Variants in SLC1A5 observed in about 807,000 individuals in gnomAD.
SLC1A5 encodes the protein neutral amino acid transporter B(0).
A neutral mutation model predicts 34.9 loss-of-function variants in SLC1A5; 25 were observed. The observed-to-expected ratio is 0.72, with a 90% CI of 0.52 to 1.00. The LOEUF (loss-of-function observed/expected upper bound fraction) is 1.00. Ranked by LOEUF, SLC1A5 falls within the 50% of genes least tolerant of loss-of-function variation. The probability of loss-of-function intolerance (pLI) is 0.00; values close to 1 mark genes in which losing one functional copy is unlikely to be tolerated. For synonymous variants in SLC1A5, 351 were observed against 341.2 expected, an observed-to-expected ratio of 1.03 and a Z score of -0.32; for missense variants, 637 against 740.0, an observed-to-expected ratio of 0.86 and a Z score of 1.61.
Position 46,787,732 on chromosome 19 carries a change from C to T in SLC1A5, c.234G>A (p.Ala78=). The change falls in exon 1 of 8, where the codon GCG becomes GCA. Residue 78 remains alanine, a synonymous_variant. Coordinates refer to ENST00000542575, the MANE Select transcript of SLC1A5 (RefSeq NM_005628.3). The surrounding 1 kb of genome is among the most constrained non-coding windows in gnomAD (Gnocchi z 5.2). ...TCAAGCGCTCCGGGCCCAACGCCAGCGCACCCCCGGCCCCCGACACCCCCA... is the reference window on the plus strand; with the variant it reads ...TCAAGCGCTCCGGGCCCAACGCCAGTGCACCCCCGGCCCCCGACACCCCCA... ...LGLGVSGAGG[A]LALGPERLSA... is the part of the protein sequence containing the mutation. 1 of 1,561,374 alleles carries T rather than the reference C, an allele frequency of 6.4e-7. No homozygotes were observed. Among genetic ancestry groups the T allele is most frequent in the East Asian group, 2.3e-5 (1 of 42,840 alleles).
chr19:46,784,567 GAC>G lies in SLC1A5; in HGVS notation c.567-10_567-9del. ...TTGGAAGGGAAGATATTTCTGCAGAGACAGACACACAGAGGGTTATTAGATAC... is the reference window on the plus strand; with the variant it reads ...TTGGAAGGGAAGATATTTCTGCAGAGAGACACACAGAGGGTTATTAGATAC... On this transcript the variant is annotated splice_polypyrimidine_tract_variant and intron_variant, in intron 1 of 7. Coordinates refer to ENST00000542575, the MANE Select transcript of SLC1A5 (RefSeq NM_005628.3). The G allele has an allele frequency of 6.2e-7, 1 of 1,614,102 alleles. No homozygotes were observed. The highest frequency in any genetic ancestry group is 8.5e-7 in the Non-Finnish European group (1 of 1,180,036).
At chr19:46,782,351 A>ACCCCCCCTCCC in intron 4 of SLC1A5, 32 bp downstream of exon 4, 1 of 256,186 alleles carries the variant, frequency 3.9e-6, no homozygotes. Context: ...CTCCAACCCC[A>ACCCCCCCTCCC]CCCACCCCCA....
chr19:46,782,342 TCCAACCCCA>T, intron 4 of SLC1A5, 32 bp downstream of exon 4: 3 of 523,372 alleles, frequency 5.7e-6, no homozygotes, highest in East Asian at 4.0e-5. Context: ...AGACCGACCC[TCCAACCCCA>T]CCCACCCCCA....
Position 46,787,930 on chromosome 19 carries a change from G to C in SLC1A5, c.36C>G (p.Leu12=), listed in dbSNP as rs758166575. ...VADPPRDSKG[L]AAAEPTANGG... Reference sequence around the variant, plus strand: ...CGTTGGCGGTGGGCTCCGCCGCTGCGAGCCCCTTGGAGTCTCGAGGAGGAT... The same window carrying C: ...CGTTGGCGGTGGGCTCCGCCGCTGCCAGCCCCTTGGAGTCTCGAGGAGGAT... Residue 12 remains leucine, a synonymous_variant, in exon 1 of 8, where the codon CTC becomes CTG. Coordinates refer to ENST00000542575, the MANE Select transcript of SLC1A5 (RefSeq NM_005628.3). The surrounding 1 kb of genome is among the most constrained non-coding windows in gnomAD (Gnocchi z 5.2). 1 of 1,572,766 alleles carries C rather than the reference G, an allele frequency of 6.4e-7. No homozygotes were observed. Among genetic ancestry groups the C allele is most frequent in the South Asian group, 1.2e-5 (1 of 86,636 alleles).
At chr19:46,781,454 C>T (rs112480727) in intron 4 of SLC1A5, among the ~76,000 whole-genome samples, 6,468 of 152,154 alleles carry the variant, frequency 0.043, 432 homozygotes, top group African/African-American at 0.14. Context: ...CAAAATTAGC[C>T]GGGCATGGTG....
chr19:46,785,140 G>A (rs548530002), intron 1 of SLC1A5, among the ~76,000 whole-genome samples: 10 of 152,232 alleles, frequency 6.6e-5, no homozygotes, highest in African/African-American at 2.4e-4. Flanking sequence ...CCAGCACTTT[G>A]GGAGGCCAAG....
intron 4 of SLC1A5, among the ~76,000 whole-genome samples, chr19:46,781,243 T>G (rs543275745): frequency 4.9e-4 from 75 of 152,338 alleles, no homozygotes; most frequent in Admixed American, 9.8e-4. Flanking sequence ...ATCTGTAAAC[T>G]TCAGGTGGGT....
Position 46,787,359 on chromosome 19 carries a change from C to A in SLC1A5, c.566+41G>T. On this transcript the variant is annotated intron_variant, in intron 1 of 7. Coordinates refer to ENST00000542575, the MANE Select transcript of SLC1A5 (RefSeq NM_005628.3). The surrounding 1 kb of genome is among the most constrained non-coding windows in gnomAD (Gnocchi z 5.2). ...TGTCCACGTGACCACTCCCGCCATC[C>A]GTAACACTCTTCCCCACCTCCCGGG... The A allele has an allele frequency of 6.4e-7, 1 of 1,559,126 alleles. No individual in the cohort carries two copies.
chr19:46,782,346 A>AACCCCCCCCCCCCCCACCCCCCCCCC, intron 4 of SLC1A5, 37 bp downstream of exon 4: 10 of 567,986 alleles, frequency 1.8e-5, no homozygotes, highest in Non-Finnish European at 2.9e-5. Flanking sequence ...CGACCCTCCA[A>AACCCCCCCCCCCCCCACCCCCCCCCC]CCCCACCCAC....
At chr19:46,785,300 A>G (rs1241894798) in intron 1 of SLC1A5, among the ~76,000 whole-genome samples, 3 of 152,072 alleles carry the variant, frequency 2.0e-5, no homozygotes, top group African/African-American at 7.2e-5. Context: ...AGGATCACTC[A>G]AGCCCGAGGA....
rs1362118315 is a variant in SLC1A5 at position 46,775,051 on chromosome 19, GAACA to G, written c.*455_*458del. 60 of 910,586 alleles carry G rather than the reference GAACA, an allele frequency of 6.6e-5. No homozygotes were observed. The highest frequency in any genetic ancestry group is 7.4e-5 in the Non-Finnish European group (59 of 802,148). The allele number at this position is 910,586 out of a possible 1,614,324, so 56.4% of individuals were successfully genotyped here. A position where few individuals can be genotyped will look rare whatever the true frequency, so the allele number is the denominator to read the frequency against. ...CGTACCATGGGGACAGGAGGTCACA[GAACA>G]CACACACACACACACACACACACAC... On this transcript the variant is annotated 3_prime_UTR_variant, in exon 8 of 8. Coordinates refer to ENST00000542575, the MANE Select transcript of SLC1A5 (RefSeq NM_005628.3).
chr19:46,782,351 A>ACCCCCCCCCCCCCCCCCCC, intron 4 of SLC1A5, 32 bp downstream of exon 4: 1 of 256,186 alleles, frequency 3.9e-6, no homozygotes. Flanking sequence ...CTCCAACCCC[A>ACCCCCCCCCCCCCCCCCCC]CCCACCCCCA....
rs761217191 is a variant in SLC1A5, at chr19:46,788,015, T to A, written c.-50A>T. The A allele has an allele frequency of 3.8e-5, 56 of 1,475,666 alleles. No individual in the cohort carries two copies. Among genetic ancestry groups the A allele is most frequent in the Non-Finnish European group, 4.6e-5 (51 of 1,113,178 alleles). The allele number at this position is 1,475,666 out of a possible 1,614,324, so 91.4% of individuals were successfully genotyped here. ...GCGCCTGGAAGCTGGCTGGGAGCGC[T>A]TGGGCTCCTTCCCAGGACCCGACGT... On this transcript the variant is annotated 5_prime_UTR_variant, in exon 1 of 8. In the 5' UTR this introduces an upstream ATG that the reference lacks. Coordinates refer to ENST00000542575, the MANE Select transcript of SLC1A5 (RefSeq NM_005628.3).
chr19:46,784,416 A>AT (rs1425209793), intron 2 of SLC1A5, 101 bp downstream of exon 2: 1 of 1,342,288 alleles, frequency 7.4e-7, no homozygotes, highest in East Asian at 2.3e-5. Context: ...ATTGACATGC[A>AT]TTTTTCCAGG....
chr19:46,782,636 C>T, intron 3 of SLC1A5, 87 bp from the exon 4 acceptor site: 1 of 1,503,326 alleles, frequency 6.7e-7, no homozygotes, highest in Non-Finnish European at 9.1e-7. Flanking sequence ...CCACTGGGAC[C>T]CAGCAGAGAC....
At chr19:46,784,896 T>G in intron 1 of SLC1A5, 2 of 1,287,844 alleles carry the variant, frequency 1.6e-6, no homozygotes, top group Middle Eastern at 3.0e-4. Flanking sequence ...CTTAATACCC[T>G]GGACAGCTTG....
intron 7 of SLC1A5, 119 bp downstream of exon 7, chr19:46,776,856 C>T: frequency 1.7e-6 from 2 of 1,160,392 alleles, no homozygotes; most frequent in Non-Finnish European, 2.4e-6. Context: ...CCCATTTCCT[C>T]CAGAATTCCT....
chr19:46,786,773 A>G (rs960187089), intron 1 of SLC1A5, among the ~76,000 whole-genome samples: 17 of 152,118 alleles, frequency 1.1e-4, no homozygotes, highest in African/African-American at 3.9e-4. Context: ...GCTGCCTGCT[A>G]GGGGGTGGCC....
At chr19:46,784,287 G>T in intron 2 of SLC1A5, 143 bp from the exon 3 acceptor site, 1 of 792,602 alleles carries the variant, frequency 1.3e-6, no homozygotes, top group Non-Finnish European at 2.1e-6. Flanking sequence ...CATGGGGCAG[G>T]ATGATCAATA....
Sources: gnomAD v4.1 joint callset for allele counts (sites outside exome capture counted in the v4.1 genomes callset) on GRCh38, gnomAD v4.1.1 for gene constraint, Gnocchi (gnomAD v3.1) non-coding constraint, MANE v1.5 for transcripts, NCBI Gene and HGNC (gene_info 2026-07-23, HGNC 2026-07-21) for gene names.